The following BSCL2 variants were observed in gnomAD, a reference collection of about 807,000 sequenced individuals.
BSCL2 encodes seipin.
In BSCL2, 41 loss-of-function variants were observed where a neutral mutation model predicts 57.4. The ratio of observed to expected loss-of-function variants is 0.71; its 90% CI spans 0.56 to 0.93. The LOEUF is 0.93. Among genes scored for constraint, BSCL2 ranks in the 40% least tolerant of loss-of-function variants. The probability of loss-of-function intolerance (pLI) is 0.00; values close to 1 mark genes in which losing one functional copy is unlikely to be tolerated. For synonymous variants in BSCL2, 237 were observed against 227.3 expected, an observed-to-expected ratio of 1.04 and a Z score of -0.38; for missense variants, 539 against 586.7, an observed-to-expected ratio of 0.92 and a Z score of 0.84.
At chr11:62,698,532 A>G (rs1453118165) in intron 3 of BSCL2, among the ~76,000 whole-genome samples, 2 of 152,234 alleles carry the variant, frequency 1.3e-5, no homozygotes, top group Non-Finnish European at 2.9e-5. Context: ...ACTTAAATGT[A>G]TGCAAACATA....
At chr11:62,708,859 C>T (rs547999028), upstream of BSCL2, 2 of 1,381,498 alleles carry the variant, frequency 1.4e-6, no homozygotes, top group East Asian at 2.3e-5. Flanking sequence ...TGGGCCCTTC[C>T]TTAGGTCAGT....
chr11:62,708,217 G>A, upstream of BSCL2: 1 of 918,992 alleles, frequency 1.1e-6, no homozygotes, highest in Non-Finnish European at 1.8e-6. Context: ...CCACAGCCTT[G>A]TAAAGGTTGG....
intron 4 of BSCL2, 63 bp downstream of exon 4, chr11:62,694,505 C>T: frequency 6.2e-7 from 1 of 1,611,748 alleles, no homozygotes; most frequent in Non-Finnish European, 8.5e-7. Flanking sequence ...ACACCCAGCC[C>T]CCTACCCATT....
In BSCL2 at chr11:62,694,962, A is replaced by G. The variant is rs539928768; in HGVS notation, c.487-251T>C. Among the ~76,000 whole-genome samples, 15 of 152,316 alleles carry G rather than the reference A, an allele frequency of 9.8e-5. 1 individual carries two copies. The highest frequency in any genetic ancestry group is 2.2e-4 in the Non-Finnish European group (15 of 68,034). ...ATCAGACTGGCTACCCTGTTCCCAG[A>G]AAGGCTGTGTCACGTTTCTTTTCCA... On this transcript the variant is annotated intron_variant, in intron 3 of 10. Transcript: ENST00000360796.
intron 3 of BSCL2, among the ~76,000 whole-genome samples, chr11:62,697,325 G>A (rs1330957578): frequency 6.6e-6 from 1 of 150,566 alleles, no homozygotes; most frequent in Non-Finnish European, 1.5e-5. Flanking sequence ...AACCCGGGAG[G>A]CGGAGCTTGC....
chr11:62,709,345 A>C (rs1419192709), upstream of BSCL2: 1 of 454,066 alleles, frequency 2.2e-6, no homozygotes, highest in Non-Finnish European at 4.4e-6. Flanking sequence ...CGGGCGCGAG[A>C]GAGCGTCCAC....
chr11:62,698,095 G>A (rs1945528406), intron 3 of BSCL2, among the ~76,000 whole-genome samples: 1 of 151,860 alleles, frequency 6.6e-6, no homozygotes, highest in African/African-American at 2.4e-5. Flanking sequence ...TTTTAGTAGA[G>A]ACAGGGTTTC....
In BSCL2 at chr11:62,702,483, C is replaced by CTTA; in HGVS notation, c.468_470dup (p.Thr156_Lys157insAsn). The CTTA allele has an allele frequency of 6.2e-7, 1 of 1,612,816 alleles. No individual in the cohort carries two copies. The highest frequency in any genetic ancestry group is 8.5e-7 in the Non-Finnish European group (1 of 1,179,106). ...CCATACTCACCCGATCACGTCCACC[C>CTTA]TTAGTCAGCGAGACATTGGCAACAG... On this transcript the variant is annotated inframe_insertion, in exon 3 of 11. Transcript: ENST00000360796.
chr11:62,707,104 C>T lies in BSCL2; in HGVS notation c.87+5G>A. 2 of 1,552,866 alleles carry T rather than the reference C, an allele frequency of 1.3e-6. No individual in the cohort carries two copies. Among genetic ancestry groups the T allele is most frequent in the Non-Finnish European group, 1.7e-6 (2 of 1,147,082 alleles). ...TCTGCTGACTGTCCCCACAAGGGCC[C>T]CTACCTCCTCTTTGTCCGGTCCTTT... On this transcript the variant is annotated splice_donor_5th_base_variant and intron_variant, in intron 1 of 10. Transcript: ENST00000360796.
chr11:62,703,352 T>G (rs1945703843), intron 2 of BSCL2, among the ~76,000 whole-genome samples: 2 of 140,792 alleles, frequency 1.4e-5, no homozygotes, highest in South Asian at 2.4e-4. Context: ...TATACGTTTT[T>G]TTTTTTTTTT....
intron 4 of BSCL2, 131 bp from the exon 5 acceptor site, chr11:62,692,928 C>T: frequency 8.9e-7 from 1 of 1,122,538 alleles, no homozygotes; most frequent in Non-Finnish European, 1.3e-6. Flanking sequence ...GCCTCACCTT[C>T]ACTTCCTACC....
chr11:62,705,819 T>G, intron 1 of BSCL2: 3 of 591,264 alleles, frequency 5.1e-6, no homozygotes, highest in Non-Finnish European at 8.7e-6. Flanking sequence ...TCCCGCCCAG[T>G]GCTAAATCTC....
intron 3 of BSCL2, among the ~76,000 whole-genome samples, chr11:62,697,054 A>G (rs1402557168): frequency 6.6e-6 from 1 of 151,912 alleles, no homozygotes; most frequent in Admixed American, 6.6e-5. Flanking sequence ...AAAAAAATTA[A>G]TCTCCTCCAA....
At position 62,702,531 on chromosome 11, in the gene BSCL2, G is replaced by A. The variant is rs756135904; in HGVS notation, c.423C>T (p.Ser141=). ...CAGGGAAGGAGCAGAGTGAGGTGGT[G>A]GAGGAATCACAGTCGGTCCTAAATG... The part of the protein sequence containing the change: ...HFYYRTDCDS[S]TTSLCSFPVA... The change falls in exon 3 of 11, where the codon TCC becomes TCT. Residue 141 remains serine (S), a synonymous_variant. Coordinates refer to ENST00000360796, the MANE Select transcript of BSCL2 (RefSeq NM_001122955.4). The A allele has an allele frequency of 3.1e-6, 5 of 1,612,294 alleles. No individual in the cohort carries two copies. Among genetic ancestry groups the A allele is most frequent in the East Asian group, 2.2e-5 (1 of 44,806 alleles).
intron 4 of BSCL2, among the ~76,000 whole-genome samples, chr11:62,693,490 C>A (rs1031061225): frequency 6.6e-6 from 1 of 152,132 alleles, no homozygotes; most frequent in Non-Finnish European, 1.5e-5. Context: ...GGCGACAGAG[C>A]AAGATCTCTG....
At chr11:62,708,969 C>T (rs1412959322), upstream of BSCL2, 1 of 658,782 alleles carries the variant, frequency 1.5e-6, no homozygotes, top group Non-Finnish European at 2.7e-6. Flanking sequence ...ACCTATCTGT[C>T]GACCCCATTT....
rs1349958377 is a variant in BSCL2 at position 62,705,338 on chromosome 11, T to G, written c.367A>C (p.Thr123Pro). 1.2e-6 allele frequency: 2 copies of G among 1,613,798 alleles called. No homozygotes were observed. The highest frequency in any genetic ancestry group is 2.2e-5 in the East Asian group (1 of 44,880). The change falls in exon 2 of 11, where the codon ACA becomes CCA. Residue 123 changes from threonine (T) to proline (P), a missense_variant. Around this residue, in one of 3 missense-constraint regions of BSCL2, gnomAD observed 218 missense variants for 224.8 expected, o/e 0.97. Coordinates refer to ENST00000360796, the MANE Select transcript of BSCL2 (RefSeq NM_001122955.4). ...TGCACAGGGCTGAGGTGGCTGACTG[T>G]CGGCATATAGGAATAGTAGAAGGAG... ...YGSFYYSYMP[T>P]VSHLSPVHFY...
intron 4 of BSCL2, among the ~76,000 whole-genome samples, chr11:62,694,178 A>G (rs573179395): frequency 2.7e-5 from 4 of 145,888 alleles, no homozygotes; most frequent in African/African-American, 1.0e-4. Flanking sequence ...CTCCTGAGGA[A>G]TCCCTACCCA....
upstream of BSCL2, chr11:62,707,611 G>C: frequency 1.9e-6 from 1 of 524,676 alleles, no homozygotes; most frequent in Non-Finnish European, 3.4e-6. Flanking sequence ...GTGTGCGCAG[G>C]GATGCAGGCA....
Sources: gnomAD v4.1 joint callset for allele counts (sites outside exome capture counted in the v4.1 genomes callset) on GRCh38, gnomAD v4.1.1 for gene constraint, gnomAD v4.1.1 regional missense constraint, MANE v1.5 for transcripts, NCBI Gene and HGNC (gene_info 2026-07-23, HGNC 2026-07-21) for gene names.